Variants in KTN1 observed in about 807,000 individuals in gnomAD.
KTN1 encodes kinectin.
KTN1 carries 130 observed loss-of-function variants against 222.5 expected under a neutral mutation model. That is an observed-to-expected ratio of 0.58 (90% CI 0.51 to 0.68). The LOEUF is 0.68. Among genes scored for constraint, KTN1 ranks in the 30% least tolerant of loss-of-function variants. The pLI is 0.00. For synonymous variants in KTN1, 512 were observed against 496.3 expected (o/e 1.03, Z -0.42); for missense variants, 1,508 against 1,500.4 (o/e 1.01, Z -0.08).
Position 55,637,331 on chromosome 14 carries a change from G to A in KTN1, c.1683G>A (p.Val561=), listed in dbSNP as rs1450846998. Residue 561 remains valine (V), a synonymous_variant, in exon 11 of 44, where the codon GTG becomes GTA. Coordinates refer to ENST00000395314, the MANE Select transcript of KTN1 (RefSeq NM_001079521.2). The part of the protein sequence containing the change: ...MQLMESEQKR[V]NKEESLQMQV... ...TAATGGAATCAGAGCAGAAAAGGGT[G>A]AACAAAGAAGAGTCTCTACAAATGC... 11 of 1,596,366 alleles carry A rather than the reference G, an allele frequency of 6.9e-6. No homozygotes were observed. Among genetic ancestry groups the A allele is most frequent in the Non-Finnish European group, 9.4e-6 (11 of 1,171,910 alleles).
intron 33 of KTN1, among the ~76,000 whole-genome samples, 184 bp from the exon 34 acceptor site, chr14:55,667,057 G>T (rs561979772): frequency 6.6e-6 from 1 of 151,928 alleles, no homozygotes; most frequent in Non-Finnish European, 1.5e-5. Flanking sequence ...AGATTTTGCA[G>T]ATTTTTTCTT....
At position 55,672,715 on chromosome 14, in the gene KTN1, T is replaced by C. The variant is rs1283429314; in HGVS notation, c.3603+14T>C. 1.4e-5 allele frequency: 21 copies of C among 1,497,124 alleles called. No homozygotes were observed. The highest frequency in any genetic ancestry group is 2.0e-5 in the Non-Finnish European group (21 of 1,075,166). 92.7% of individuals were successfully genotyped at this position (1,497,124 alleles called of 1,614,324 possible). On this transcript the variant is annotated intron_variant, in intron 38 of 43. Transcript: ENST00000395314. ...GATATTGAAAATGTATGTTATTTGA[T>C]TGTTTTACTTGTAACCTATGGATTT... is the stretch of plus-strand genomic sequence containing the variant.
At chr14:55,632,253 T>C (rs866009165) in intron 7 of KTN1, among the ~76,000 whole-genome samples, 27 of 152,218 alleles carry the variant, frequency 1.8e-4, no homozygotes, top group African/African-American at 4.3e-4. Context: ...TTGTTGAAGG[T>C]GAAAGGTATT....
At chr14:55,626,222 C>G (rs986536478) in intron 5 of KTN1, among the ~76,000 whole-genome samples, 31 of 151,806 alleles carry the variant, frequency 2.0e-4, no homozygotes, top group Admixed American at 1.9e-3. Flanking sequence ...AAAAAAAACC[C>G]TAACACATAA....
Position 55,612,311 on chromosome 14 carries a change from A to G in KTN1, c.263A>G (p.Asp88Gly). ...ESVPRDFKLSDALAVEDDQVA... is the reference protein window; with the variant it reads ...ESVPRDFKLSGALAVEDDQVA... ...GTACCTCGAGACTTTAAATTATCAG[A>G]TGCTTTGGCAGTAGAAGATGATCAA... is the stretch of plus-strand genomic sequence containing the variant. Residue 88 changes from aspartate (D) to glycine (G), a missense_variant, in exon 2 of 44, where the codon GAT (aspartate) becomes GGT (glycine). Transcript: ENST00000395314. 6.2e-7 allele frequency: 1 copy of G among 1,614,030 alleles called. No homozygotes were observed.
chr14:55,621,267 A>G (rs747795922), intron 5 of KTN1, among the ~76,000 whole-genome samples: 2 of 149,440 alleles, frequency 1.3e-5, no homozygotes, highest in Non-Finnish European at 3.0e-5. Context: ...ACTTTCCCAC[A>G]TCTTCCTGTC....
chr14:55,647,670 A>G (rs12434624), intron 19 of KTN1, among the ~76,000 whole-genome samples: 38,112 of 139,814 alleles, frequency 0.27, 5,274 homozygotes, highest in East Asian at 0.32. Context: ...AGAGCCAGGC[A>G]TGGTGGCTGA....
intron 43 of KTN1, chr14:55,681,891 C>T (rs1344139757): frequency 2.0e-5 from 3 of 152,056 alleles, no homozygotes; most frequent in Non-Finnish European, 4.4e-5. Context: ...AGGTTTTTAT[C>T]CTTAGCTATC....
intron 12 of KTN1, among the ~76,000 whole-genome samples, chr14:55,638,375 T>C: frequency 6.6e-6 from 1 of 151,992 alleles, no homozygotes; most frequent in East Asian, 1.9e-4. Context: ...ATAAATAATA[T>C]AAAGAAAATC....
Position 55,618,053 on chromosome 14 carries a change from G to A in KTN1, c.751G>A (p.Val251Ile), listed in dbSNP as rs773979649. ...AAGTCCTGTGGTAGATAAGAGAGAG[G>A]TTATTGATTTGCTTAAACCTGACCA... Reference protein sequence around the residue: ...DSSPVVDKREVIDLLKPDQVE... With the variant: ...DSSPVVDKREIIDLLKPDQVE... Residue 251 changes from valine (V) to isoleucine (I), a missense_variant, in exon 4 of 44, where the codon GTT (valine) becomes ATT (isoleucine). Transcript: ENST00000395314. 9 of 1,612,790 alleles carry A rather than the reference G, an allele frequency of 5.6e-6. No individual in the cohort carries two copies. Among genetic ancestry groups the A allele is most frequent in the Non-Finnish European group, 7.6e-6 (9 of 1,179,258 alleles).
chr14:55,586,686 TC>T (rs1015261677), intron 1 of KTN1, among the ~76,000 whole-genome samples: 15 of 151,634 alleles, frequency 9.9e-5, no homozygotes, highest in South Asian at 6.3e-4. Context: ...AGGATCCCCC[TC>T]CCCCCCATAG....
At chr14:55,651,026 T>C (rs146011446) in intron 24 of KTN1, among the ~76,000 whole-genome samples, 238 of 152,278 alleles carry the variant, frequency 1.6e-3, no homozygotes, top group African/African-American at 4.7e-3. Context: ...ACAAGTTTCA[T>C]TGGGATTTCA....
In KTN1 at chr14:55,650,372, T is replaced by C. The variant is rs374616954; in HGVS notation, c.2450T>C (p.Leu817Pro). ...DGKIKSVEELLEAELLKVANK... is the reference protein window; with the variant it reads ...DGKIKSVEELPEAELLKVANK... ...AAGATCAAGTCTGTAGAAGAGCTTC[T>C]GGAGGCAGAACTTCTCAAAGTTGCT... Residue 817 changes from leucine (L) to proline (P), a missense_variant, in exon 23 of 44, where the codon CTG becomes CCG. Leu to Pro is a moderately conservative substitution (Grantham distance 98). Transcript: ENST00000395314. 7 of 1,611,410 alleles carry C rather than the reference T, an allele frequency of 4.3e-6. No homozygotes were observed. In the African/African-American group the frequency reaches 5.4e-5, roughly 12 times the overall value.
intron 20 of KTN1, 44 bp downstream of exon 20, chr14:55,648,159 A>T (rs767971156): frequency 2.1e-6 from 2 of 952,744 alleles, no homozygotes; most frequent in East Asian, 2.8e-5. Context: ...TTATTCAGTG[A>T]CATAAAAGGA....
At chr14:55,592,394 G>A (rs988424239) in intron 1 of KTN1, among the ~76,000 whole-genome samples, 1 of 152,110 alleles carries the variant, frequency 6.6e-6, no homozygotes, top group South Asian at 2.1e-4. Context: ...GAGTTGTTTC[G>A]AGGATTGCAT....
intron 7 of KTN1, 123 bp downstream of exon 7, chr14:55,630,220 T>A (rs1450444824): frequency 1.2e-6 from 1 of 835,186 alleles, no homozygotes; most frequent in East Asian, 2.6e-5. Context: ...CTAGTGAAGT[T>A]CACTCTGCGT....
chr14:55,657,397 G>C (rs545195002), intron 29 of KTN1, among the ~76,000 whole-genome samples: 1 of 137,680 alleles, frequency 7.3e-6, no homozygotes, highest in Non-Finnish European at 1.6e-5. Context: ...CTGAGTTGAC[G>C]TTTTTTTTTT....
intron 10 of KTN1, among the ~76,000 whole-genome samples, chr14:55,636,915 C>G (rs2041194301): frequency 6.6e-6 from 1 of 151,670 alleles, no homozygotes; most frequent in African/African-American, 2.4e-5. Flanking sequence ...AGGTAGTTTA[C>G]TTAAAACTGC....
intron 41 of KTN1, among the ~76,000 whole-genome samples, chr14:55,676,502 T>C (rs1380919140): frequency 6.6e-6 from 1 of 152,140 alleles, no homozygotes. Flanking sequence ...TGTTTATGGA[T>C]ATATCATCAT....
Sources: gnomAD v4.1 joint callset for allele counts (sites outside exome capture counted in the v4.1 genomes callset) on GRCh38, gnomAD v4.1.1 for gene constraint, MANE v1.5 for transcripts, NCBI Gene and HGNC (gene_info 2026-07-23, HGNC 2026-07-21) for gene names.